XYLB: variants seen among roughly 807,000 people sequenced by gnomAD.
XYLB encodes the protein xylulose kinase.
XYLB carries 62 observed loss-of-function variants against 78.7 expected under a neutral mutation model. The ratio of observed to expected loss-of-function variants is 0.79; its 90% CI spans 0.64 to 0.97. The LOEUF (loss-of-function observed/expected upper bound fraction) is 0.97, where lower values mean the gene tolerates loss of function less well. Among genes scored for constraint, XYLB ranks in the 50% least tolerant of loss-of-function variants. XYLB has a pLI of 0.00. For missense variants in XYLB, 687 were observed against 676.8 expected, an observed-to-expected ratio of 1.02 and a Z score of -0.17; for synonymous variants, 245 against 247.4, an observed-to-expected ratio of 0.99 and a Z score of 0.09.
the XYLB span, among the ~76,000 whole-genome samples, chr3:38,446,394 C>T: frequency 6.6e-6 from 1 of 152,180 alleles, no homozygotes; most frequent in African/African-American, 2.4e-5. Context: ...TTACAATCCT[C>T]TTGTAAGACA....
At chr3:38,434,267 A>T in the XYLB span, among the ~76,000 whole-genome samples, 1 of 152,230 alleles carries the variant, frequency 6.6e-6, no homozygotes, top group Non-Finnish European at 1.5e-5. Context: ...TTCACAGTAC[A>T]TTATAGTCTG....
Position 38,363,030 on chromosome 3 carries a change from C to A in XYLB, c.291+13C>A. 1 of 1,531,702 alleles carries A rather than the reference C, an allele frequency of 6.5e-7. No homozygotes were observed. The highest frequency in any genetic ancestry group is 8.8e-7 in the Non-Finnish European group (1 of 1,134,476). 94.9% of individuals were successfully genotyped at this position (1,531,702 alleles called of 1,614,324 possible). A position where few individuals can be genotyped will look rare whatever the true frequency, so the allele number is the denominator to read the frequency against. ...CGGGGCGGGCCAGGTTCGTTTGCAGCAGACTCTGTCTGCCATGTGAGGGTG... is the reference window on the plus strand; with the variant it reads ...CGGGGCGGGCCAGGTTCGTTTGCAGAAGACTCTGTCTGCCATGTGAGGGTG... On this transcript the variant is annotated intron_variant, in intron 4 of 18. Coordinates refer to ENST00000207870, the MANE Select transcript of XYLB (RefSeq NM_005108.4).
At chr3:38,452,796 C>A in the XYLB span, 2 of 152,062 alleles carry the variant, frequency 1.3e-5, no homozygotes, top group Non-Finnish European at 2.9e-5. Context: ...GATGCAAAAC[C>A]CTGAGGGAGT....
At chr3:38,381,566 G>T (rs1206141825) in intron 15 of XYLB, among the ~76,000 whole-genome samples, 2 of 152,194 alleles carry the variant, frequency 1.3e-5, no homozygotes, top group African/African-American at 4.8e-5. Context: ...GAAAAATATC[G>T]CTGAATTCTT....
chr3:38,374,468 T>C lies in XYLB; in HGVS notation c.854T>C (p.Leu285Pro). The C allele has an allele frequency of 6.2e-7, 1 of 1,614,064 alleles. No individual in the cohort carries two copies. Among genetic ancestry groups the C allele is most frequent in the Non-Finnish European group, 8.5e-7 (1 of 1,179,966 alleles). ...GCTCCCCTCCCATTCTCAGCGTCGC[T>C]GGCAGGCATGAGACTGGAGGAAGGT... ...VAFTGDNPAS[L>P]AGMRLEEGDI... Residue 285 changes from leucine (L) to proline (P), a missense_variant, in exon 11 of 19, where the codon CTG (leucine) becomes CCG (proline). Leu to Pro is a moderately conservative substitution (Grantham distance 98, BLOSUM62 -3). Transcript: ENST00000207870.
chr3:38,367,677 C>T (rs1301916457), intron 7 of XYLB, among the ~76,000 whole-genome samples: 1 of 152,162 alleles, frequency 6.6e-6, no homozygotes, highest in Non-Finnish European at 1.5e-5. Flanking sequence ...GAAGTACAGA[C>T]CCTTAGGGTG....
chr3:38,432,716 A>T, the XYLB span, among the ~76,000 whole-genome samples: 1 of 152,264 alleles, frequency 6.6e-6, no homozygotes, highest in African/African-American at 2.4e-5. Flanking sequence ...TAAAGCTCTG[A>T]AATAATCTCC....
chr3:38,397,504 A>G (rs537796791), intron 17 of XYLB, among the ~76,000 whole-genome samples: 7 of 152,288 alleles, frequency 4.6e-5, no homozygotes, highest in Admixed American at 4.6e-4. Flanking sequence ...GACAAAGTCC[A>G]GAGCCGTCTT....
At chr3:38,438,546 A>G in the XYLB span, among the ~76,000 whole-genome samples, 1 of 152,220 alleles carries the variant, frequency 6.6e-6, no homozygotes, top group Non-Finnish European at 1.5e-5. Context: ...CTGAATAGCC[A>G]TAGTGTTTCC....
intron 18 of XYLB, among the ~76,000 whole-genome samples, chr3:38,412,000 CT>C (rs1244496715): frequency 1.8e-5 from 2 of 108,778 alleles, no homozygotes. Flanking sequence ...TTTTTTTTTT[CT>C]TTTTTTTGAG....
At chr3:38,430,112 A>G in the XYLB span, among the ~76,000 whole-genome samples, 97 of 152,294 alleles carry the variant, frequency 6.4e-4, 1 homozygote, top group South Asian at 9.5e-3. Context: ...CTAGCTCTAG[A>G]TCTTTGAGGA....
At chr3:38,427,639 G>A in the XYLB span, among the ~76,000 whole-genome samples, 1 of 151,688 alleles carries the variant, frequency 6.6e-6, no homozygotes, top group Non-Finnish European at 1.5e-5. Context: ...TGTATTCCAG[G>A]TTGGAGTGCA....
the XYLB span, among the ~76,000 whole-genome samples, chr3:38,445,527 G>A: frequency 6.6e-6 from 1 of 152,220 alleles, no homozygotes; most frequent in African/African-American, 2.4e-5. Flanking sequence ...GGAGGCAAGG[G>A]TCAGGATAGA....
chr3:38,418,480 T>C (rs987104592), downstream of XYLB, among the ~76,000 whole-genome samples: 5 of 152,116 alleles, frequency 3.3e-5, no homozygotes, highest in Non-Finnish European at 5.9e-5. Context: ...AAGACACAAT[T>C]CCAACATACA....
Position 38,370,178 on chromosome 3 carries a change from G to GGTCT in XYLB, c.765+5_765+8dup. The GGTCT allele has an allele frequency of 6.2e-7, 1 of 1,611,510 alleles. No individual in the cohort carries two copies. Among genetic ancestry groups the GGTCT allele is most frequent in the Non-Finnish European group, 8.5e-7 (1 of 1,178,306 alleles). On this transcript the variant is annotated splice_donor_region_variant and intron_variant, in intron 9 of 18. Transcript: ENST00000207870. ...AGTACCATCATGCTCAGTTGTGGTA[G>GGTCT]GTCTCCTTTCTGGTGATGTGGCTCA...
chr3:38,449,953 C>T, the XYLB span, among the ~76,000 whole-genome samples: 64,377 of 151,792 alleles, frequency 0.42, 15,907 homozygotes, highest in Non-Finnish European at 0.57. Flanking sequence ...GAGAAAGGGG[C>T]GGGGAAAGTA....
chr3:38,414,270 C>T lies in XYLB; in HGVS notation c.*1257C>T, dbSNP rs1449874385. The T allele has an allele frequency of 6.6e-6, 1 of 152,096 alleles. No individual in the cohort carries two copies. The highest frequency in any genetic ancestry group is 1.5e-5 in the Non-Finnish European group (1 of 68,048). 9.4% of individuals were successfully genotyped at this position (152,096 alleles called of 1,614,324 possible). A position where few individuals can be genotyped will look rare whatever the true frequency, so the allele number is the denominator to read the frequency against. On this transcript the variant is annotated 3_prime_UTR_variant, in exon 19 of 19. Coordinates refer to ENST00000207870, the MANE Select transcript of XYLB (RefSeq NM_005108.4). ...AAGGGGCTTAGAAAATGAATGGGACCAAAGGCATCACTTCTGATGGAGATG... is the reference window on the plus strand; with the variant it reads ...AAGGGGCTTAGAAAATGAATGGGACTAAAGGCATCACTTCTGATGGAGATG...
intron 8 of XYLB, among the ~76,000 whole-genome samples, chr3:38,369,176 G>A (rs1391615874): frequency 6.6e-6 from 1 of 152,154 alleles, no homozygotes; most frequent in African/African-American, 2.4e-5. Context: ...TTGTATGCCA[G>A]GCTTTATTCT....
At chr3:38,376,742 C>T (rs542766370) in intron 13 of XYLB, among the ~76,000 whole-genome samples, 176 bp from the exon 14 acceptor site, 1 of 152,316 alleles carries the variant, frequency 6.6e-6, no homozygotes, top group African/African-American at 2.4e-5. Context: ...CTCCCTGGTT[C>T]CCTTCTATCC....
Sources: gnomAD v4.1 joint callset for allele counts (sites outside exome capture counted in the v4.1 genomes callset) on GRCh38, gnomAD v4.1.1 for gene constraint, MANE v1.5 for transcripts, NCBI Gene and HGNC (gene_info 2026-07-23, HGNC 2026-07-21) for gene names.